ADAM22: variants seen among roughly 807,000 people sequenced by gnomAD.
ADAM22 encodes ADAM metallopeptidase domain 22.
Under a neutral mutation model 144.6 loss-of-function variants are expected in ADAM22, and 65 were observed. The ratio of observed to expected loss-of-function variants is 0.45; its 90% CI spans 0.37 to 0.55. ADAM22 has a LOEUF of 0.55. Ranked by LOEUF, ADAM22 falls within the 20% of genes least tolerant of loss-of-function variation. The probability of loss-of-function intolerance (pLI) is 0.00; values close to 1 mark genes in which losing one functional copy is unlikely to be tolerated. For missense variants in ADAM22, 974 were observed against 1,184.9 expected, an observed-to-expected ratio of 0.82 and a Z score of 2.61; for synonymous variants, 391 against 412.6, an observed-to-expected ratio of 0.95 and a Z score of 0.63.
Position 88,201,281 on chromosome 7 carries a change from T to C in ADAM22, c.*4790T>C, listed in dbSNP as rs957817382. ...GGAGTAGAGGTGGCAGGCATCTTTA[T>C]CTTCACCCACTGGCACATTAGCAGC... On this transcript the variant is annotated 3_prime_UTR_variant, in exon 32 of 32. Transcript: ENST00000413139. The C allele has an allele frequency of 7.2e-5, 11 of 152,236 alleles. No homozygotes were observed. The highest frequency in any genetic ancestry group is 1.5e-4 in the Non-Finnish European group (10 of 68,054). The allele number at this position is 152,236 out of a possible 1,614,324, so 9.4% of individuals were successfully genotyped here. A position where few individuals can be genotyped will look rare whatever the true frequency, so the allele number is the denominator to read the frequency against.
intron 23 of ADAM22, 72 bp downstream of exon 23, chr7:88,163,252 A>G: frequency 8.0e-7 from 1 of 1,242,256 alleles, no homozygotes; most frequent in Non-Finnish European, 1.1e-6. Context: ...TAAACTATTT[A>G]TTTTTCTTAA....
At chr7:88,108,666 T>TA (rs1272326184) in intron 5 of ADAM22, among the ~76,000 whole-genome samples, 12 of 151,974 alleles carry the variant, frequency 7.9e-5, no homozygotes, top group Non-Finnish European at 1.3e-4. Flanking sequence ...GAGGTGAAGG[T>TA]TGCAGTGAGC....
At chr7:88,026,332 G>A (rs1168733279) in intron 3 of ADAM22, among the ~76,000 whole-genome samples, 1 of 152,160 alleles carries the variant, frequency 6.6e-6, no homozygotes. Flanking sequence ...CAACAGAGAA[G>A]GGAGAGGTGC....
chr7:87,948,114 C>T (rs149851728), intron 2 of ADAM22, among the ~76,000 whole-genome samples: 7 of 152,288 alleles, frequency 4.6e-5, no homozygotes, highest in African/African-American at 1.7e-4. Flanking sequence ...TTTCCATTTT[C>T]CTGTGTACAT....
intron 4 of ADAM22, among the ~76,000 whole-genome samples, chr7:88,106,562 A>T (rs1824450260): frequency 6.6e-6 from 1 of 152,166 alleles, no homozygotes; most frequent in Admixed American, 6.5e-5. Flanking sequence ...TGCGCCTTTA[A>T]ACCACCCATC....
intron 3 of ADAM22, among the ~76,000 whole-genome samples, chr7:87,984,943 A>G (rs142796968): frequency 6.6e-6 from 1 of 151,898 alleles, no homozygotes; most frequent in Non-Finnish European, 1.5e-5. Context: ...AAATGTTGAG[A>G]TTACAGACAT....
chr7:88,165,701 TAAG>T (rs1417701706), intron 23 of ADAM22, 128 bp from the exon 24 acceptor site: 1 of 524,754 alleles, frequency 1.9e-6, no homozygotes, highest in African/African-American at 2.0e-5. Context: ...TAATTAGTAT[TAAG>T]AAGAACATAC....
At chr7:87,961,136 C>T (rs1348756310) in intron 2 of ADAM22, among the ~76,000 whole-genome samples, 3 of 151,568 alleles carry the variant, frequency 2.0e-5, no homozygotes, top group Non-Finnish European at 2.9e-5. Context: ...TAGGGTAGTC[C>T]GTTAGGCCTC....
At chr7:88,082,890 G>A (rs2129483322) in intron 4 of ADAM22, among the ~76,000 whole-genome samples, 1 of 152,216 alleles carries the variant, frequency 6.6e-6, no homozygotes, top group South Asian at 2.1e-4. Flanking sequence ...ACTGTTGGTG[G>A]GACTGTAAAC....
intron 19 of ADAM22, 112 bp from the exon 20 acceptor site, chr7:88,151,145 A>T (rs1838228964): frequency 1.3e-6 from 2 of 1,511,434 alleles, no homozygotes; most frequent in Admixed American, 3.4e-5. Context: ...TTCTGAAGAT[A>T]AAAGGCCTCT....
intron 2 of ADAM22, among the ~76,000 whole-genome samples, chr7:87,970,282 A>G (rs898258904): frequency 3.3e-5 from 5 of 152,188 alleles, no homozygotes; most frequent in Non-Finnish European, 7.3e-5. Flanking sequence ...AAGATGTTAG[A>G]CTTCCAAGAA....
chr7:87,999,237 G>T (rs746850169), intron 3 of ADAM22, among the ~76,000 whole-genome samples: 3 of 152,170 alleles, frequency 2.0e-5, no homozygotes, highest in Non-Finnish European at 4.4e-5. Context: ...TCAGAAAAAG[G>T]TATCAATGTT....
At chr7:88,027,606 G>C (rs1799295911) in intron 3 of ADAM22, among the ~76,000 whole-genome samples, 1 of 151,876 alleles carries the variant, frequency 6.6e-6, no homozygotes, top group Non-Finnish European at 1.5e-5. Context: ...CCATTAGGCT[G>C]GCTAAAGATT....
rs1263692828 is a variant in ADAM22 at position 87,964,093 on chromosome 7, C to T, written c.247-14243C>T. Among the ~76,000 whole-genome samples, 3 of 152,222 alleles carry T rather than the reference C, an allele frequency of 2.0e-5. No individual in the cohort carries two copies. In the East Asian group the frequency reaches 5.8e-4, roughly 29 times the overall value. ...TACTATGTCTTAAGTCTGTAAGACC[C>T]TTCAGTGGTGATCTATATCCTATCT... On this transcript the variant is annotated intron_variant, in intron 2 of 31. Coordinates refer to ENST00000413139, the MANE Select transcript of ADAM22 (RefSeq NM_001324418.2).
chr7:87,991,352 ATTTTTTTTTTTTTT>A (rs10549124), intron 3 of ADAM22, among the ~76,000 whole-genome samples: 13 of 86,070 alleles, frequency 1.5e-4, no homozygotes, highest in African/African-American at 5.8e-4. Context: ...CACTAGCCTT[ATTTTTTTTTTTTTT>A]TTTTTTTTTT....
At chr7:88,078,234 C>A (rs181772676) in intron 4 of ADAM22, among the ~76,000 whole-genome samples, 79 of 152,320 alleles carry the variant, frequency 5.2e-4, no homozygotes, top group Middle Eastern at 3.4e-3. Context: ...GATACCCAGG[C>A]AAACAGGGTC....
At chr7:88,078,859 A>G (rs1563166661) in intron 4 of ADAM22, among the ~76,000 whole-genome samples, 1 of 152,224 alleles carries the variant, frequency 6.6e-6, no homozygotes, top group Non-Finnish European at 1.5e-5. Context: ...AAAAGACCAA[A>G]TCTACGTCTA....
chr7:87,958,737 A>T (rs1156921772), intron 2 of ADAM22, among the ~76,000 whole-genome samples: 1 of 151,828 alleles, frequency 6.6e-6, no homozygotes, highest in Non-Finnish European at 1.5e-5. Context: ...TAGTTATTTT[A>T]CTTTCCATTT....
chr7:88,194,285 G>A (rs764081015), intron 31 of ADAM22, among the ~76,000 whole-genome samples: 1 of 152,182 alleles, frequency 6.6e-6, no homozygotes, highest in Non-Finnish European at 1.5e-5. Flanking sequence ...TATTGGAGAT[G>A]TTACCACACA....
Sources: allele counts gnomAD v4.1 joint callset (sites outside exome capture counted in the v4.1 genomes callset), GRCh38; gene constraint gnomAD v4.1.1; transcripts MANE v1.5; gene names NCBI Gene and HGNC (gene_info 2026-07-23, HGNC 2026-07-21).